Variants in PAAF1 observed in about 807,000 individuals in gnomAD.
PAAF1 encodes the protein proteasomal ATPase associated factor 1.
Under a neutral mutation model 52.8 loss-of-function variants are expected in PAAF1, and 46 were observed. That is an observed-to-expected ratio of 0.87 (90% CI 0.69 to 1.11). The LOEUF is 1.11. Ranked by LOEUF, PAAF1 falls within the 50% of genes most tolerant of loss-of-function variation. PAAF1 has a pLI of 0.00. For missense variants in PAAF1, 424 were observed against 477.4 expected (o/e 0.89, Z 1.04); for synonymous variants, 178 against 172.8 (o/e 1.03, Z -0.24).
chr11:73,891,197 A>G lies in PAAF1; in HGVS notation c.278A>G (p.Lys93Arg), dbSNP rs920514020. ...PYTTFSRIHTKSITCLDISSR... is the reference protein window; with the variant it reads ...PYTTFSRIHTRSITCLDISSR... ...ACTACTTTTTCCAGAATTCATACAA[A>G]GAGTGTAAGTATTTTGATAAAATGA... is the stretch of plus-strand genomic sequence containing the variant. The change falls in exon 4 of 12, where the codon AAG becomes AGG. Residue 93 changes from lysine to arginine, a missense_variant. Physicochemically the swap from Lys to Arg is conservative, Grantham distance 26. Coordinates refer to ENST00000310571, the MANE Select transcript of PAAF1 (RefSeq NM_025155.3). 6.5e-7 allele frequency: 1 copy of G among 1,530,820 alleles called. No homozygotes were observed. Among genetic ancestry groups the G allele is most frequent in the African/African-American group, 1.4e-5 (1 of 72,692 alleles). The allele number at this position is 1,530,820 out of a possible 1,614,324, so 94.8% of individuals were successfully genotyped here. A position where few individuals can be genotyped will look rare whatever the true frequency, so the allele number is the denominator to read the frequency against.
At chr11:73,926,661 A>G (rs1043628244) in intron 11 of PAAF1, among the ~76,000 whole-genome samples, 1 of 152,160 alleles carries the variant, frequency 6.6e-6, no homozygotes, top group Admixed American at 6.5e-5. Flanking sequence ...GTGAGCCAAG[A>G]TGGCGTCACT....
intron 11 of PAAF1, among the ~76,000 whole-genome samples, chr11:73,926,111 C>CTTTT (rs76906369): frequency 6.6e-6 from 1 of 150,900 alleles, no homozygotes. Context: ...TTCTTTCTTT[C>CTTTT]TTTCTTTTTT....
intron 8 of PAAF1, among the ~76,000 whole-genome samples, 159 bp downstream of exon 8, chr11:73,914,663 G>T (rs538828654): frequency 6.6e-6 from 1 of 151,482 alleles, no homozygotes; most frequent in African/African-American, 2.4e-5. Context: ...AGAGTTGTGG[G>T]ATTTGGAATA....
chr11:73,927,152 T>G (rs1323411917), intron 11 of PAAF1, 133 bp from the exon 12 acceptor site: 4 of 678,690 alleles, frequency 5.9e-6, no homozygotes, highest in Non-Finnish European at 1.0e-5. Context: ...CACATAATTA[T>G]GGATGTAATT....
intron 6 of PAAF1, among the ~76,000 whole-genome samples, chr11:73,906,037 A>G (rs553529804): frequency 6.6e-6 from 1 of 152,338 alleles, no homozygotes; most frequent in South Asian, 2.1e-4. Context: ...TGGAGTTGAA[A>G]TAGAAATGTA....
In PAAF1 at chr11:73,899,205, G is replaced by C. The variant is rs111323701; in HGVS notation, c.342G>C (p.Gly114=). 2 of 1,614,030 alleles carry C rather than the reference G, an allele frequency of 1.2e-6. No individual in the cohort carries two copies. Among genetic ancestry groups the C allele is most frequent in the Admixed American group, 1.7e-5 (1 of 60,002 alleles). ...GGLGVSSSTD[G]TMKIWQASNG... is the part of the protein sequence containing the mutation. ...TTGGTGTGTCTTCTAGTACTGACGG[G>C]ACCATGAAAATCTGGCAGGCTTCCA... The change falls in exon 5 of 12, where the codon GGG becomes GGC. Residue 114 remains glycine (G), a synonymous_variant. Transcript: ENST00000310571.
rs1428891101 is a variant in PAAF1, at chr11:73,922,307, G to A, written c.1019-2308G>A. ...GTACTGATGTCTAAAGGCAAAGGGAGTAAGATTATAACTCTGTTTTCAGAG... is the reference window on the plus strand; with the variant it reads ...GTACTGATGTCTAAAGGCAAAGGGAATAAGATTATAACTCTGTTTTCAGAG... On this transcript the variant is annotated intron_variant, in intron 10 of 11. Transcript: ENST00000310571. 3.3e-5 allele frequency: 15 copies of A among 457,266 alleles called. 1 individual carries two copies. The highest frequency in any genetic ancestry group is 2.3e-4 in the Admixed American group (8 of 34,098). 28.3% of individuals were successfully genotyped at this position (457,266 alleles called of 1,614,324 possible). A position where few individuals can be genotyped will look rare whatever the true frequency, so the allele number is the denominator to read the frequency against.
chr11:73,917,060 G>A (rs537084531), intron 9 of PAAF1, among the ~76,000 whole-genome samples: 9 of 151,968 alleles, frequency 5.9e-5, no homozygotes, highest in African/African-American at 9.6e-5. Flanking sequence ...TCCCTCTGTC[G>A]CCCAGGCTGG....
chr11:73,913,221 G>C (rs1192756259), intron 7 of PAAF1, among the ~76,000 whole-genome samples: 3 of 152,142 alleles, frequency 2.0e-5, no homozygotes, highest in Non-Finnish European at 1.5e-5. Flanking sequence ...TACTCCTGCA[G>C]GTCTTCACAT....
chr11:73,922,097 G>A lies in PAAF1; in HGVS notation c.1019-2518G>A, dbSNP rs1373423587. Reference sequence around the variant, plus strand: ...TATCTGTATCTTTTGTCTCTCTGGGGGCAGGTCCTTTGAATTGACTTCTGA... The same window carrying A: ...TATCTGTATCTTTTGTCTCTCTGGGAGCAGGTCCTTTGAATTGACTTCTGA... On this transcript the variant is annotated intron_variant, in intron 10 of 11. Transcript: ENST00000310571. 1.7e-5 allele frequency: 16 copies of A among 920,924 alleles called. No homozygotes were observed. The East Asian group carries it at 5.1e-4, about 29-fold the overall frequency. 57.0% of individuals were successfully genotyped at this position (920,924 alleles called of 1,614,324 possible). A position where few individuals can be genotyped will look rare whatever the true frequency, so the allele number is the denominator to read the frequency against.
chr11:73,894,066 A>G (rs12363562), intron 4 of PAAF1, among the ~76,000 whole-genome samples: 2 of 152,166 alleles, frequency 1.3e-5, no homozygotes, highest in Admixed American at 6.5e-5. Context: ...GCTTCCCAAA[A>G]TGCTGGGATT....
At chr11:73,900,566 C>A (rs1949570277) in intron 6 of PAAF1, 146 bp downstream of exon 6, 1 of 907,236 alleles carries the variant, frequency 1.1e-6, no homozygotes, top group Non-Finnish European at 1.6e-6. Context: ...TCCCTAAGGA[C>A]CAGAAATTCC....
intron 11 of PAAF1, 82 bp downstream of exon 11, chr11:73,924,779 G>A: frequency 9.0e-7 from 1 of 1,106,096 alleles, no homozygotes; most frequent in Non-Finnish European, 1.4e-6. Context: ...CAGATACCTT[G>A]TGGTCATTAG....
intron 9 of PAAF1, 79 bp downstream of exon 9, chr11:73,916,739 A>C: frequency 1.1e-6 from 1 of 913,738 alleles, no homozygotes; most frequent in South Asian, 1.6e-5. Context: ...GATTTAGCCT[A>C]GCATATAGAT....
chr11:73,880,223 G>C (rs1948854360), intron 2 of PAAF1: 1 of 151,878 alleles, frequency 6.6e-6, no homozygotes, highest in Non-Finnish European at 1.5e-5. Context: ...TGATCATGCT[G>C]CGTGGTCTCC....
chr11:73,926,402 A>G (rs568329783), intron 11 of PAAF1, among the ~76,000 whole-genome samples: 3 of 151,956 alleles, frequency 2.0e-5, no homozygotes, highest in South Asian at 4.2e-4. Flanking sequence ...CCAGCCATCT[A>G]TTTCATTTTT....
chr11:73,908,810 G>A (rs1162107523), intron 6 of PAAF1, among the ~76,000 whole-genome samples: 2 of 151,274 alleles, frequency 1.3e-5, no homozygotes, highest in Non-Finnish European at 1.5e-5. Context: ...TTTATTTTTT[G>A]AGACGGAGTC....
intron 6 of PAAF1, 43 bp downstream of exon 6, chr11:73,900,463 C>G (rs1949566698): frequency 1.3e-6 from 2 of 1,503,844 alleles, no homozygotes; most frequent in Non-Finnish European, 9.0e-7. Context: ...TAATGATCCC[C>G]AGAAATGAAT....
At chr11:73,920,180 C>G (rs1330612124) in intron 10 of PAAF1, among the ~76,000 whole-genome samples, 2 of 152,200 alleles carry the variant, frequency 1.3e-5, no homozygotes. Context: ...CTTTAACTAA[C>G]TTTTCTGTAA....
Sources: gnomAD v4.1 joint callset for allele counts (sites outside exome capture counted in the v4.1 genomes callset) on GRCh38, gnomAD v4.1.1 for gene constraint, MANE v1.5 for transcripts, NCBI Gene and HGNC (gene_info 2026-07-23, HGNC 2026-07-21) for gene names.